Variants in CPED1 observed in about 807,000 individuals in gnomAD.
CPED1 encodes the protein cadherin-like and PC-esterase domain-containing protein 1.
CPED1 carries 114 observed loss-of-function variants against 128.2 expected under a neutral mutation model. That is an observed-to-expected ratio of 0.89 (90% CI 0.76 to 1.04). The LOEUF is 1.04. Ranked by LOEUF, CPED1 falls within the 50% of genes least tolerant of loss-of-function variation. The pLI is 0.00. For synonymous variants in CPED1, 462 were observed against 426.7 expected, an observed-to-expected ratio of 1.08 and a Z score of -1.02; for missense variants, 1,211 against 1,207.1, an observed-to-expected ratio of 1.00 and a Z score of -0.05.
chr7:121,261,875 G>A, intron 18 of CPED1: 5 of 681,242 alleles, frequency 7.3e-6, no homozygotes, highest in East Asian at 3.0e-5. Flanking sequence ...CCAAGAAACT[G>A]GAAATAAAAA....
At chr7:121,214,557 G>A (rs892034879) in intron 16 of CPED1, among the ~76,000 whole-genome samples, 3 of 152,148 alleles carry the variant, frequency 2.0e-5, no homozygotes, top group Middle Eastern at 3.4e-3. Flanking sequence ...GCCTCCCAAA[G>A]TGCTGGGATT....
chr7:121,070,089 C>G (rs1483136518), intron 5 of CPED1, among the ~76,000 whole-genome samples: 2 of 151,522 alleles, frequency 1.3e-5, no homozygotes, highest in Non-Finnish European at 2.9e-5. Flanking sequence ...TAGGTAAAAA[C>G]ACCTTTTGTT....
At chr7:121,196,107 A>G (rs1797266428) in intron 16 of CPED1, among the ~76,000 whole-genome samples, 1 of 152,082 alleles carries the variant, frequency 6.6e-6, no homozygotes, top group African/African-American at 2.4e-5. Context: ...CAAGCATGTC[A>G]TTCAGTTTTC....
At chr7:121,037,533 T>G (rs1219935475) in intron 3 of CPED1, among the ~76,000 whole-genome samples, 2 of 152,222 alleles carry the variant, frequency 1.3e-5, no homozygotes. Flanking sequence ...GCCATTTTGG[T>G]GACTATGGCC....
chr7:121,189,433 A>T (rs1797077168), intron 16 of CPED1, among the ~76,000 whole-genome samples: 1 of 151,966 alleles, frequency 6.6e-6, no homozygotes, highest in Non-Finnish European at 1.5e-5. Flanking sequence ...AGAGTGAAGG[A>T]GGAAGTGCCA....
chr7:121,217,163 G>A (rs1217708681), intron 16 of CPED1, among the ~76,000 whole-genome samples: 1 of 151,838 alleles, frequency 6.6e-6, no homozygotes, highest in African/African-American at 2.4e-5. Context: ...CTTGGATCAA[G>A]CAATCCTCCT....
intron 4 of CPED1, among the ~76,000 whole-genome samples, chr7:121,063,228 A>T (rs2110279): frequency 0.66 from 100,519 of 151,786 alleles, 35,461 homozygotes; most frequent in East Asian, 0.94. Flanking sequence ...AGTAGCAAGG[A>T]TTGGGGAAGA....
chr7:121,078,126 A>T (rs979731844), intron 5 of CPED1, among the ~76,000 whole-genome samples: 2 of 149,926 alleles, frequency 1.3e-5, no homozygotes, highest in African/African-American at 5.0e-5. Flanking sequence ...TGTCATTGCA[A>T]TCTCCACTCC....
chr7:121,081,819 AAAT>A (rs569768337), intron 5 of CPED1, among the ~76,000 whole-genome samples: 17 of 152,266 alleles, frequency 1.1e-4, no homozygotes, highest in African/African-American at 4.1e-4. Context: ...TGTTACCCTA[AAAT>A]AATAACAGGA....
At chr7:121,094,343 A>C (rs1048932385) in intron 5 of CPED1, among the ~76,000 whole-genome samples, 1 of 152,200 alleles carries the variant, frequency 6.6e-6, no homozygotes, top group Non-Finnish European at 1.5e-5. Flanking sequence ...ACATTAAATC[A>C]AATGCAATAT....
At chr7:121,252,311 A>G (rs1387713248) in intron 18 of CPED1, among the ~76,000 whole-genome samples, 1 of 152,200 alleles carries the variant, frequency 6.6e-6, no homozygotes, top group Non-Finnish European at 1.5e-5. Flanking sequence ...ACAAAAATTA[A>G]TTCAAGATGG....
At chr7:121,164,239 C>T (rs1796472746) in intron 16 of CPED1, among the ~76,000 whole-genome samples, 1 of 152,154 alleles carries the variant, frequency 6.6e-6, no homozygotes, top group Non-Finnish European at 1.5e-5. Flanking sequence ...AGGATTATAT[C>T]CACAATTTGC....
At chr7:121,203,331 A>G (rs930060266) in intron 16 of CPED1, among the ~76,000 whole-genome samples, 2 of 152,112 alleles carry the variant, frequency 1.3e-5, no homozygotes, top group Non-Finnish European at 2.9e-5. Context: ...CCAATTAATT[A>G]TTCTTCGAAC....
intron 16 of CPED1, among the ~76,000 whole-genome samples, chr7:121,214,295 T>A (rs149839312): frequency 5.9e-5 from 9 of 152,100 alleles, no homozygotes; most frequent in African/African-American, 2.2e-4. Context: ...ATTTTATCTT[T>A]ATTATTAATT....
chr7:121,061,537 G>A (rs1793673351), intron 4 of CPED1, among the ~76,000 whole-genome samples: 2 of 152,214 alleles, frequency 1.3e-5, no homozygotes, highest in South Asian at 2.1e-4. Flanking sequence ...AATAATGGAG[G>A]AGGCTGTGTG....
intron 5 of CPED1, among the ~76,000 whole-genome samples, chr7:121,089,998 G>A (rs1794535210): frequency 6.6e-6 from 1 of 152,158 alleles, no homozygotes; most frequent in Non-Finnish European, 1.5e-5. Context: ...CAAGAAAATT[G>A]AAGTAGTAGT....
intron 16 of CPED1, among the ~76,000 whole-genome samples, chr7:121,220,541 T>C (rs543888948): frequency 6.6e-6 from 1 of 152,166 alleles, no homozygotes; most frequent in Non-Finnish European, 1.5e-5. Flanking sequence ...CAAATTTAGA[T>C]TTGTTCTAAA....
At chr7:121,287,969 T>C (rs1792619458) in intron 22 of CPED1, among the ~76,000 whole-genome samples, 1 of 152,208 alleles carries the variant, frequency 6.6e-6, no homozygotes, top group South Asian at 2.1e-4. Context: ...AACTTTATAA[T>C]ATCTAATTAT....
At chr7:121,249,718 A>G (rs1798624626) in intron 18 of CPED1, among the ~76,000 whole-genome samples, 1 of 151,594 alleles carries the variant, frequency 6.6e-6, no homozygotes, top group Non-Finnish European at 1.5e-5. Flanking sequence ...ACCTGCTACC[A>G]CAAGAAGGCC....
Sources: allele counts gnomAD v4.1 joint callset (sites outside exome capture counted in the v4.1 genomes callset), GRCh38; gene constraint gnomAD v4.1.1; transcripts MANE v1.5; gene names NCBI Gene and HGNC (gene_info 2026-07-23, HGNC 2026-07-21).